Variants in IL2RG observed in about 807,000 individuals in gnomAD.
IL2RG encodes cytokine receptor common subunit gamma.
For missense variants in IL2RG, 205 were observed against 272.9 expected (o/e 0.75, Z 1.75); for synonymous variants, 111 against 108.5 (o/e 1.02, Z -0.15).
rs770804846 is a variant in IL2RG at position 71,110,647 on chromosome X, T to A, written c.311A>T (p.His104Leu). The A allele has an allele frequency of 3.0e-5, 36 of 1,208,238 alleles. No homozygotes were observed. Among genetic ancestry groups the A allele is most frequent in the Non-Finnish European group, 3.9e-5 (35 of 893,746 alleles). Residue 104 changes from histidine (H) to leucine (L), a missense_variant, in exon 3 of 8, where the codon CAC becomes CTC. By Grantham distance (99) the His-to-Leu change is moderately conservative (BLOSUM62 -3). Coordinates refer to ENST00000374202, the MANE Select transcript of IL2RG (RefSeq NM_000206.3). ...AGTGATTTCTTCAGAGAATAGATAG[T>A]GGCTGCACTTCTGGACTTTATCATT... ...SDNDKVQKCSHYLFSEEITSG... is the reference protein window; with the variant it reads ...SDNDKVQKCSLYLFSEEITSG...
chrX:71,109,672 C>T lies in IL2RG; in HGVS notation c.595-282G>A, dbSNP rs777612556. ...CACTGGTGTCAGGAATGGTGGCTCA[C>T]GCCTGTAATCCCAGCACTTTGGGAG... On this transcript the variant is annotated intron_variant, in intron 4 of 7. Transcript: ENST00000374202. Among the ~76,000 whole-genome samples, 231 of 111,347 alleles carry T rather than the reference C, an allele frequency of 2.1e-3. 1 individual carries two copies. Among genetic ancestry groups the T allele is most frequent in the Non-Finnish European group, 3.4e-3 (180 of 53,004 alleles).
At chrX:71,108,422 T>C (rs2092255853) in intron 6 of IL2RG, 76 bp from the exon 7 acceptor site, 2 of 784,229 alleles carry the variant, frequency 2.6e-6, no homozygotes, top group African/African-American at 2.0e-5. Context: ...TTGTCCCATA[T>C]GAAATAAAGT....
At chrX:71,111,295 T>C in intron 1 of IL2RG, 130 bp downstream of exon 1, 1 of 929,263 alleles carries the variant, frequency 1.1e-6, no homozygotes, top group Non-Finnish European at 1.5e-6. Flanking sequence ...CCCTCCCCCT[T>C]GCCCTTCCCA....
intron 5 of IL2RG, 56 bp downstream of exon 5, chrX:71,109,172 T>C: frequency 8.9e-7 from 1 of 1,119,150 alleles, no homozygotes; most frequent in Non-Finnish European, 1.2e-6. Flanking sequence ...AAGACAGTGG[T>C]GTTAGAAAGG....
rs919911235 is a variant in IL2RG, at chrX:71,107,510, C to A, written c.*226G>T. 3 of 299,652 alleles carry A rather than the reference C, an allele frequency of 1.0e-5. No individual in the cohort carries two copies. The highest frequency in any genetic ancestry group is 9.7e-5 in the East Asian group (2 of 20,611). 24.7% of individuals were successfully genotyped at this position (299,652 alleles called of 1,213,427 possible). A position where few individuals can be genotyped will look rare whatever the true frequency, so the allele number is the denominator to read the frequency against. ...AAAGAGGGAGGGAGGAAGAATCCTG[C>A]GAAAAGGAAGGGCCAGACTGAGGGA... is the stretch of plus-strand genomic sequence containing the variant. On this transcript the variant is annotated 3_prime_UTR_variant, in exon 8 of 8. Coordinates refer to ENST00000374202, the MANE Select transcript of IL2RG (RefSeq NM_000206.3).
Position 71,107,499 on chromosome X carries a change from G to A in IL2RG, c.*237C>T. 3.4e-6 allele frequency: 1 copy of A among 295,997 alleles called. No homozygotes were observed. The highest frequency in any genetic ancestry group is 6.0e-6 in the Non-Finnish European group (1 of 167,733). 24.4% of individuals were successfully genotyped at this position (295,997 alleles called of 1,213,427 possible). On this transcript the variant is annotated 3_prime_UTR_variant, in exon 8 of 8. Coordinates refer to ENST00000374202, the MANE Select transcript of IL2RG (RefSeq NM_000206.3). ...GGAAGGGAGGGAAAGAGGGAGGGAG[G>A]AAGAATCCTGCGAAAAGGAAGGGCC...
chrX:71,107,700 C>T lies in IL2RG; in HGVS notation c.*36G>A. On this transcript the variant is annotated 3_prime_UTR_variant, in exon 8 of 8. Coordinates refer to ENST00000374202, the MANE Select transcript of IL2RG (RefSeq NM_000206.3). ...GGAAAGTTAGTACCACTTAGGGCTA[C>T]AGGACCCTGGGGTTCTTCTGTCAGA... 6 of 1,080,459 alleles carry T rather than the reference C, an allele frequency of 5.6e-6. No individual in the cohort carries two copies. The highest frequency in any genetic ancestry group is 7.3e-6 in the Non-Finnish European group (6 of 816,767). The allele number at this position is 1,080,459 out of a possible 1,213,427, so 89.0% of individuals were successfully genotyped here.
At position 71,111,471 on chromosome X, in the gene IL2RG, C is replaced by T. The variant is rs748252421; in HGVS notation, c.69G>A (p.Leu23=). ...FLQLPLLGVG[L]NTTILTPNGN... The stretch of plus-strand genomic sequence containing the variant: ...CATTGGGCGTCAGAATTGTCGTGTT[C>T]AGCCCCACTCCCAGCAGGGGCAGCT... The change falls in exon 1 of 8, where the codon CTG becomes CTA. Residue 23 remains leucine, a synonymous_variant. Transcript: ENST00000374202. The T allele has an allele frequency of 4.1e-6, 5 of 1,210,594 alleles. No homozygotes were observed. In the Admixed American group the frequency reaches 6.5e-5, roughly 16 times the overall value.
At chrX:71,109,078 C>T in intron 5 of IL2RG, 150 bp downstream of exon 5, 3 of 563,957 alleles carry the variant, frequency 5.3e-6, no homozygotes, top group Non-Finnish European at 8.7e-6. Context: ...ACAGAAAAAC[C>T]TTGATTTCTA....
At position 71,107,463 on chromosome X, in the gene IL2RG, A is replaced by C; in HGVS notation, c.*273T>G. On this transcript the variant is annotated 3_prime_UTR_variant, in exon 8 of 8. Transcript: ENST00000374202. ...ATCGGTTCAGGAACAATCGGAGGGT[A>C]GATGGAAAGAGGAAGGGAGGGAAAG... The C allele has an allele frequency of 7.4e-6, 2 of 269,649 alleles. No homozygotes were observed. The allele number at this position is 269,649 out of a possible 1,213,427, so 22.2% of individuals were successfully genotyped here. A position where few individuals can be genotyped will look rare whatever the true frequency, so the allele number is the denominator to read the frequency against.
intron 4 of IL2RG, 94 bp from the exon 5 acceptor site, chrX:71,109,484 A>G (rs1418506169): frequency 1.2e-6 from 1 of 840,819 alleles, no homozygotes; most frequent in South Asian, 2.2e-5. Flanking sequence ...CATCTCTGCT[A>G]CTGCCCAGTT....
intron 4 of IL2RG, among the ~76,000 whole-genome samples, chrX:71,109,844 A>T (rs1286657283): frequency 9.4e-6 from 1 of 106,816 alleles, no homozygotes; most frequent in Non-Finnish European, 1.9e-5. Flanking sequence ...CAGGAGAATC[A>T]CTTGAACCAG....
In IL2RG at chrX:71,108,667, G is replaced by A. The variant is rs374370835; in HGVS notation, c.786C>T (p.Ala262=). ...KENPFLFALE[A]VVISVGSMGL... ...CCATGGAGCCAACAGAGATAACCAC[G>A]GCTTCCAATGCAAACAGGAAAGGAT... Residue 262 remains alanine (A), a synonymous_variant, in exon 6 of 8, where the codon GCC becomes GCT. Transcript: ENST00000374202. 41 of 1,187,235 alleles carry A rather than the reference G, an allele frequency of 3.5e-5. No homozygotes were observed. The highest frequency in any genetic ancestry group is 2.3e-4 in the Middle Eastern group (1 of 4,317).
chrX:71,110,084 ATCTG>A, intron 4 of IL2RG, 68 bp downstream of exon 4: 1 of 1,114,540 alleles, frequency 9.0e-7, no homozygotes, highest in East Asian at 3.0e-5. Context: ...AGGTCCTTCT[ATCTG>A]TCTGGTTGAA....
intron 1 of IL2RG, 180 bp downstream of exon 1, chrX:71,111,245 A>T: frequency 2.7e-6 from 2 of 729,139 alleles, no homozygotes. Flanking sequence ...AAAGAAACAA[A>T]CAAACAAGAA....
intron 4 of IL2RG, among the ~76,000 whole-genome samples, 158 bp downstream of exon 4, chrX:71,109,998 G>A (rs776884226): frequency 9.1e-6 from 1 of 110,179 alleles, no homozygotes; most frequent in Admixed American, 9.7e-5. Context: ...GAGAAAATAG[G>A]GGGGAAAGGA....
At chrX:71,109,634 C>T (rs755827593) in intron 4 of IL2RG, among the ~76,000 whole-genome samples, 1 of 110,865 alleles carries the variant, frequency 9.0e-6, no homozygotes, top group South Asian at 3.8e-4. Flanking sequence ...GTAGGGAATC[C>T]CTAATGAAAA....
intron 2 of IL2RG, 47 bp from the exon 3 acceptor site, chrX:71,110,735 G>T (rs780396353): frequency 8.9e-6 from 10 of 1,120,414 alleles, no homozygotes; most frequent in Middle Eastern, 4.9e-4. Context: ...GGCCAATCTG[G>T]GTACTGCAGA....
intron 5 of IL2RG, 83 bp from the exon 6 acceptor site, chrX:71,108,778 T>C: frequency 1.7e-6 from 1 of 592,234 alleles, no homozygotes; most frequent in Non-Finnish European, 2.8e-6. Context: ...GGCACCGCGC[T>C]AAAGACATAC....
Sources: gnomAD v4.1 joint callset for allele counts (sites outside exome capture counted in the v4.1 genomes callset) on GRCh38, gnomAD v4.1.1 for gene constraint, MANE v1.5 for transcripts, NCBI Gene and HGNC (gene_info 2026-07-23, HGNC 2026-07-21) for gene names.